LMO7: variants seen among roughly 807,000 people sequenced by gnomAD.
LMO7 encodes LIM domain only protein 7.
In LMO7, 120 loss-of-function variants were observed where a neutral mutation model predicts 206.5. The observed-to-expected ratio is 0.58, with a 90% CI of 0.50 to 0.68. The LOEUF (loss-of-function observed/expected upper bound fraction) is 0.68, where lower values mean the gene tolerates loss of function less well. Ranked by LOEUF, LMO7 falls within the 30% of genes least tolerant of loss-of-function variation. The pLI is 0.00. For missense variants in LMO7, 1,959 were observed against 1,957.9 expected, an observed-to-expected ratio of 1.00 and a Z score of -0.01; for synonymous variants, 706 against 681.5, an observed-to-expected ratio of 1.04 and a Z score of -0.56.
At position 75,834,474 on chromosome 13, in the gene LMO7, T is replaced by C. The variant is rs572939632; in HGVS notation, c.3226+87T>C. ...TTCTAACAATTTGCTTCAATAACTT[T>C]TTATTTTTTCACTTATGTTTTGGCA... On this transcript the variant is annotated intron_variant, in intron 17 of 30. Coordinates refer to ENST00000377534, the MANE Select transcript of LMO7 (RefSeq NM_001306080.2). 1.6e-4 allele frequency: 164 copies of C among 1,045,364 alleles called. No individual in the cohort carries two copies. The African/African-American group carries it at 2.4e-3, about 15-fold the overall frequency. 64.8% of individuals were successfully genotyped at this position (1,045,364 alleles called of 1,614,324 possible). A position where few individuals can be genotyped will look rare whatever the true frequency, so the allele number is the denominator to read the frequency against.
intron 3 of LMO7, among the ~76,000 whole-genome samples, chr13:75,745,660 A>G (rs1303655326): frequency 6.6e-6 from 1 of 152,182 alleles, no homozygotes; most frequent in African/African-American, 2.4e-5. Flanking sequence ...GACTGAGTAA[A>G]GCAGATTGCT....
chr13:75,804,252 C>CT, intron 7 of LMO7, 37 bp from the exon 8 acceptor site: 1 of 1,594,444 alleles, frequency 6.3e-7, no homozygotes, highest in South Asian at 1.1e-5. Flanking sequence ...GGCGAATAAT[C>CT]TGGAGAGTAA....
intron 1 of LMO7, among the ~76,000 whole-genome samples, chr13:75,642,293 G>T (rs1841295733): frequency 6.6e-6 from 1 of 152,012 alleles, no homozygotes; most frequent in Non-Finnish European, 1.5e-5. Flanking sequence ...AAAATACAAA[G>T]AACTTGTACC....
chr13:75,782,980 G>A (rs956902532), intron 4 of LMO7, among the ~76,000 whole-genome samples: 1 of 152,146 alleles, frequency 6.6e-6, no homozygotes, highest in South Asian at 2.1e-4. Context: ...ACCTTGGTGG[G>A]GAGTGGGGTC....
chr13:75,643,503 A>T (rs2036746284), intron 1 of LMO7, among the ~76,000 whole-genome samples: 1 of 152,200 alleles, frequency 6.6e-6, no homozygotes, highest in Admixed American at 6.5e-5. Flanking sequence ...TGTCCAATAA[A>T]AAGGTTGGCC....
At chr13:75,649,234 G>C (rs1169260079) in intron 1 of LMO7, among the ~76,000 whole-genome samples, 1 of 152,154 alleles carries the variant, frequency 6.6e-6, no homozygotes, top group African/African-American at 2.4e-5. Context: ...GTTAGAATCT[G>C]TTTTACAGAA....
intron 1 of LMO7, among the ~76,000 whole-genome samples, chr13:75,663,412 C>T (rs1215755239): frequency 1.2e-5 from 1 of 85,140 alleles, no homozygotes; most frequent in East Asian, 3.2e-4. Context: ...ATTCTTTTTT[C>T]TTTCTTTCTT....
chr13:75,724,322 C>T (rs2044275360), intron 2 of LMO7, among the ~76,000 whole-genome samples: 1 of 151,970 alleles, frequency 6.6e-6, no homozygotes, highest in South Asian at 2.1e-4. Flanking sequence ...TAGGCTCTGG[C>T]CTAGGGAAAG....
At chr13:75,664,733 G>A (rs2139308186) in intron 1 of LMO7, among the ~76,000 whole-genome samples, 1 of 152,284 alleles carries the variant, frequency 6.6e-6, no homozygotes, top group East Asian at 1.9e-4. Context: ...TTTAACTGGT[G>A]TGAGATGATC....
intron 3 of LMO7, among the ~76,000 whole-genome samples, chr13:75,757,798 G>C (rs2047797204): frequency 6.7e-5 from 1 of 15,024 alleles, no homozygotes; most frequent in Non-Finnish European, 1.0e-4. Context: ...TTCTGTGTGT[G>C]TGTGTGTGTG....
At chr13:75,839,417 T>C (rs763977139) in intron 20 of LMO7, among the ~76,000 whole-genome samples, 8 of 152,348 alleles carry the variant, frequency 5.3e-5, no homozygotes, top group South Asian at 2.1e-4. Flanking sequence ...TACTGTATGA[T>C]AGTGTATTTT....
rs561922583 is a variant in LMO7 at position 75,709,511 on chromosome 13, C to G, written c.70-3671C>G. The stretch of plus-strand genomic sequence containing the variant: ...CATTCTAACTGGTGTGAGATGGTAT[C>G]TCATTGTGGTTTTGATTTGCATTTC... On this transcript the variant is annotated intron_variant, in intron 1 of 30. Coordinates refer to ENST00000377534, the MANE Select transcript of LMO7 (RefSeq NM_001306080.2). Among the ~76,000 whole-genome samples the G allele has an allele frequency of 8.5e-3, 1,300 of 152,062 alleles. 23 individuals are homozygous for G. The highest frequency in any genetic ancestry group is 0.029 in the African/African-American group (1,199 of 41,356).
chr13:75,706,282 GGCA>G (rs1365631519), intron 1 of LMO7, among the ~76,000 whole-genome samples: 2 of 152,136 alleles, frequency 1.3e-5, no homozygotes, highest in Non-Finnish European at 2.9e-5. Flanking sequence ...AAGTAGCTGA[GGCA>G]GCCTCTGTAG....
At chr13:75,624,427 G>C (rs2033755415) in intron 2 of LMO7, among the ~76,000 whole-genome samples, 1 of 152,034 alleles carries the variant, frequency 6.6e-6, no homozygotes, top group African/African-American at 2.4e-5. Context: ...AAGTTTCATA[G>C]GGCCAATTTC....
intron 13 of LMO7, among the ~76,000 whole-genome samples, chr13:75,820,933 G>T (rs2057511263): frequency 6.6e-6 from 1 of 151,774 alleles, no homozygotes; most frequent in East Asian, 1.9e-4. Flanking sequence ...GGAGGCGGAG[G>T]TTGCAGGTGA....
chr13:75,647,987 C>T (rs1175600847), intron 1 of LMO7, among the ~76,000 whole-genome samples: 1 of 117,294 alleles, frequency 8.5e-6, no homozygotes, highest in Non-Finnish European at 1.7e-5. Context: ...GGTCTCCACC[C>T]AGGCTGGAGT....
chr13:75,755,205 T>C (rs532437491), intron 3 of LMO7, among the ~76,000 whole-genome samples: 3 of 152,138 alleles, frequency 2.0e-5, no homozygotes, highest in African/African-American at 4.8e-5. Flanking sequence ...CGGCTGGTCT[T>C]CACTGCCGCT....
At chr13:75,779,403 A>T (rs917054526) in intron 4 of LMO7, among the ~76,000 whole-genome samples, 1 of 152,150 alleles carries the variant, frequency 6.6e-6, no homozygotes, top group Admixed American at 6.5e-5. Context: ...TCAAACATAA[A>T]ATGGGAACGT....
Position 75,784,300 on chromosome 13 carries a change from A to G in LMO7, c.318-11101A>G, listed in dbSNP as rs181191922. Reference sequence around the variant, plus strand: ...AATTGTGAAAAATTTAGTGTGTTGTATCTTGGGATTGTGCCAGTAAACATG... The same window carrying G: ...AATTGTGAAAAATTTAGTGTGTTGTGTCTTGGGATTGTGCCAGTAAACATG... On this transcript the variant is annotated intron_variant, in intron 4 of 30. Transcript: ENST00000377534. Among the ~76,000 whole-genome samples, 238 of 152,260 alleles carry G rather than the reference A, an allele frequency of 1.6e-3. 1 individual carries two copies. The highest frequency in any genetic ancestry group is 0.014 in the South Asian group (66 of 4,824).
Sources: gnomAD v4.1 joint callset for allele counts (sites outside exome capture counted in the v4.1 genomes callset) on GRCh38, gnomAD v4.1.1 for gene constraint, MANE v1.5 for transcripts, NCBI Gene and HGNC (gene_info 2026-07-23, HGNC 2026-07-21) for gene names.